The following FBXW7 variants were observed in gnomAD, a reference collection of about 807,000 sequenced individuals.
FBXW7 encodes the protein F-box and WD repeat domain containing 7.
FBXW7 carries 11 observed loss-of-function variants against 86.3 expected under a neutral mutation model. The ratio of observed to expected loss-of-function variants is 0.13; its 90% CI spans 0.08 to 0.21. The LOEUF is 0.21. FBXW7 is among the 10% of genes least tolerant of loss of function. The probability of loss-of-function intolerance (pLI) is 1.00; values close to 1 mark genes in which losing one functional copy is unlikely to be tolerated. For missense variants in FBXW7, 488 were observed against 847.4 expected (o/e 0.58, Z 5.27); for synonymous variants, 313 against 297.9 (o/e 1.05, Z -0.52).
intron 4 of FBXW7, among the ~76,000 whole-genome samples, chr4:152,363,996 T>A (rs1388624494): frequency 6.6e-6 from 1 of 152,160 alleles, no homozygotes; most frequent in East Asian, 1.9e-4. Flanking sequence ...TATGCAAATG[T>A]GTGATGTGAA....
At chr4:152,385,711 G>C (rs1735467929) in intron 4 of FBXW7, among the ~76,000 whole-genome samples, 1 of 151,902 alleles carries the variant, frequency 6.6e-6, no homozygotes, top group Non-Finnish European at 1.5e-5. Context: ...ACCAAGTTTT[G>C]GTAAGCACAA....
chr4:152,492,992 C>G (rs1746003006), intron 2 of FBXW7, among the ~76,000 whole-genome samples: 1 of 151,374 alleles, frequency 6.6e-6, no homozygotes, highest in Non-Finnish European at 1.5e-5. Flanking sequence ...GGTAAGACTG[C>G]CTGGGGAGAA....
In FBXW7 at chr4:152,346,745, A is replaced by G. The variant is rs1377108902; in HGVS notation, c.726+185T>C. 9.7e-6 allele frequency: 7 copies of G among 718,378 alleles called. No individual in the cohort carries two copies. The Admixed American group carries it at 2.2e-4, about 23-fold the overall frequency. 44.5% of individuals were successfully genotyped at this position (718,378 alleles called of 1,614,324 possible). A position where few individuals can be genotyped will look rare whatever the true frequency, so the allele number is the denominator to read the frequency against. ...CTCTATGGATTTGCCTATTCTGGAC[A>G]TTTCATATAAAGAGAATCAACATGT... is the stretch of plus-strand genomic sequence containing the variant. On this transcript the variant is annotated intron_variant, in intron 6 of 13. Coordinates refer to ENST00000281708, the MANE Select transcript of FBXW7 (RefSeq NM_001349798.2).
chr4:152,334,123 C>T (rs1028029930), intron 7 of FBXW7, among the ~76,000 whole-genome samples: 1 of 152,052 alleles, frequency 6.6e-6, no homozygotes, highest in African/African-American at 2.4e-5. Context: ...ATTCAATATA[C>T]AAAATACTCC....
intron 2 of FBXW7, among the ~76,000 whole-genome samples, chr4:152,442,329 T>C (rs1293630217): frequency 6.6e-6 from 1 of 152,194 alleles, no homozygotes; most frequent in African/African-American, 2.4e-5. Flanking sequence ...ATTCCTAGGC[T>C]GGTAGCAAAA....
intron 12 of FBXW7, chr4:152,325,790 T>G: frequency 2.0e-6 from 1 of 489,512 alleles, no homozygotes; most frequent in Non-Finnish European, 3.6e-6. Context: ...ATATTTGTAT[T>G]TAGAGGAGAA....
chr4:152,432,930 G>T (rs1371282390), intron 2 of FBXW7, among the ~76,000 whole-genome samples: 1 of 152,188 alleles, frequency 6.6e-6, no homozygotes, highest in Non-Finnish European at 1.5e-5. Context: ...CATCAGTGCA[G>T]ATTAGTTTTG....
chr4:152,327,052 C>T (rs1729103415), intron 11 of FBXW7, among the ~76,000 whole-genome samples: 1 of 151,866 alleles, frequency 6.6e-6, no homozygotes, highest in Non-Finnish European at 1.5e-5. Flanking sequence ...TTTTGGATTA[C>T]AAAACAAAGC....
rs137978408 is a variant in FBXW7, at chr4:152,446,639, G to A, written c.-119-34110C>T. Among the ~76,000 whole-genome samples, 820 of 152,224 alleles carry A rather than the reference G, an allele frequency of 5.4e-3. 5 individuals are homozygous for A. Among genetic ancestry groups the A allele is most frequent in the Admixed American group, 0.02 (313 of 15,290 alleles). On this transcript the variant is annotated intron_variant, in intron 2 of 13. Transcript: ENST00000281708. Reference sequence around the variant, plus strand: ...AGCTCCACTGAGGCTAGAACTTCACGCTGCCCATTTATTTTACATAAAATA... The same window carrying A: ...AGCTCCACTGAGGCTAGAACTTCACACTGCCCATTTATTTTACATAAAATA...
At chr4:152,402,828 C>T (rs1560853471) in intron 4 of FBXW7, among the ~76,000 whole-genome samples, 1 of 152,188 alleles carries the variant, frequency 6.6e-6, no homozygotes, top group Non-Finnish European at 1.5e-5. Flanking sequence ...GCTGTCACTG[C>T]TCTAGGTAGA....
chr4:152,351,203 A>T (rs912332177), intron 4 of FBXW7, among the ~76,000 whole-genome samples: 7 of 152,096 alleles, frequency 4.6e-5, no homozygotes, highest in African/African-American at 1.7e-4. Flanking sequence ...CTTACATGGG[A>T]ACATCATAAC....
At chr4:152,341,119 C>A (rs982056611) in intron 6 of FBXW7, among the ~76,000 whole-genome samples, 1 of 152,190 alleles carries the variant, frequency 6.6e-6, no homozygotes, top group African/African-American at 2.4e-5. Flanking sequence ...TTCGGCTCTT[C>A]GTTCTATTCT....
chr4:152,469,104 T>C (rs1451192480), intron 2 of FBXW7, among the ~76,000 whole-genome samples: 4 of 152,064 alleles, frequency 2.6e-5, no homozygotes, highest in Non-Finnish European at 5.9e-5. Context: ...TTAAAAAGTA[T>C]AATAAAAGAA....
chr4:152,514,048 A>G (rs1257598702), intron 2 of FBXW7, among the ~76,000 whole-genome samples: 1 of 152,246 alleles, frequency 6.6e-6, no homozygotes, highest in Non-Finnish European at 1.5e-5. Flanking sequence ...CATATTGATT[A>G]CATGTTAAAA....
intron 2 of FBXW7, among the ~76,000 whole-genome samples, chr4:152,421,800 T>C (rs1738967949): frequency 6.6e-6 from 1 of 152,114 alleles, no homozygotes; most frequent in East Asian, 1.9e-4. Context: ...AAAAGAGAGA[T>C]GGGAACAGCT....
At chr4:152,397,695 C>CA (rs397995836) in intron 4 of FBXW7, among the ~76,000 whole-genome samples, 2,277 of 60,190 alleles carry the variant, frequency 0.038, 89 homozygotes, top group Non-Finnish European at 0.052. Context: ...CCTAAGAAGC[C>CA]AAAAAAAAAA....
intron 2 of FBXW7, among the ~76,000 whole-genome samples, chr4:152,469,516 T>A (rs1234960012): frequency 6.6e-6 from 1 of 152,080 alleles, no homozygotes; most frequent in African/African-American, 2.4e-5. Flanking sequence ...CTGACCACAG[T>A]ATTTGGTTCA....
intron 4 of FBXW7, among the ~76,000 whole-genome samples, chr4:152,367,714 T>C (rs74716204): frequency 0.014 from 2,083 of 152,250 alleles, 26 homozygotes; most frequent in Middle Eastern, 0.037. Flanking sequence ...GATATCTAAA[T>C]CTTTAGTTTT....
intron 2 of FBXW7, among the ~76,000 whole-genome samples, chr4:152,448,711 AAAAAAGAAT>A (rs1226341939): frequency 6.6e-6 from 1 of 152,202 alleles, no homozygotes; most frequent in Non-Finnish European, 1.5e-5. Flanking sequence ...AAACACTACT[AAAAAAGAAT>A]AAAACAACAG....
Sources: allele counts gnomAD v4.1 joint callset (sites outside exome capture counted in the v4.1 genomes callset), GRCh38; gene constraint gnomAD v4.1.1; transcripts MANE v1.5; gene names NCBI Gene and HGNC (gene_info 2026-07-23, HGNC 2026-07-21).